Variants in SPG7 observed in about 807,000 individuals in gnomAD.
SPG7 encodes mitochondrial inner membrane m-AAA protease component paraplegin.
SPG7 carries 103 observed loss-of-function variants against 81.9 expected under a neutral mutation model. The ratio of observed to expected loss-of-function variants is 1.26; its 90% confidence interval spans 1.07 to 1.48. The LOEUF (loss-of-function observed/expected upper bound fraction) is 1.48, where lower values mean the gene tolerates loss of function less well. SPG7 is among the 40% of genes most tolerant of loss of function. The pLI is 0.00. For synonymous variants in SPG7, 534 were observed against 444.2 expected (o/e 1.20, Z -2.54); for missense variants, 1,241 against 1,087.3 (o/e 1.14, Z -1.99).
At chr16:89,539,826 C>G (rs1001687895) in intron 9 of SPG7, 1 of 152,180 alleles carries the variant, frequency 6.6e-6, no homozygotes, top group Non-Finnish European at 1.5e-5. Flanking sequence ...CTTTTCACCT[C>G]AGCTCCTCAA....
At chr16:89,521,315 G>A (rs1339968650) in intron 3 of SPG7, 2 of 152,264 alleles carry the variant, frequency 1.3e-5, no homozygotes, top group Admixed American at 1.3e-4. Flanking sequence ...TGACACAGCG[G>A]GGCTAAGAGC....
At chr16:89,524,855 G>C (rs1034389135) in intron 4 of SPG7, among the ~76,000 whole-genome samples, 4 of 152,106 alleles carry the variant, frequency 2.6e-5, no homozygotes, top group Non-Finnish European at 4.4e-5. Context: ...GGTTGGTGTG[G>C]CCCACCCCCG....
At chr16:89,553,733 G>T (rs760246174) in intron 14 of SPG7, 61 bp from the exon 15 acceptor site, 2 of 1,546,808 alleles carry the variant, frequency 1.3e-6, no homozygotes, top group Non-Finnish European at 8.9e-7. Flanking sequence ...GACACCTGGG[G>T]CCCAGCACTG....
At chr16:89,528,577 G>C (rs2058298976) in intron 5 of SPG7, 1 of 151,564 alleles carries the variant, frequency 6.6e-6, no homozygotes, top group Admixed American at 6.6e-5. Context: ...CCCTCCTCAG[G>C]ATGAGGGCAA....
chr16:89,546,682 C>T lies in SPG7; in HGVS notation c.1474C>T (p.His492Tyr). The change falls in exon 11 of 17, where the codon CAC becomes TAC. Residue 492 changes from histidine (H) to tyrosine (Y), a missense_variant. Physicochemically the swap from His to Tyr is moderately conservative, Grantham distance 83. Coordinates refer to ENST00000645818, the MANE Select transcript of SPG7 (RefSeq NM_003119.4). Reference protein sequence around the residue: ...LQERREIFEQHLKSLKLTQSS... With the variant: ...LQERREIFEQYLKSLKLTQSS... ...GGAGAGGCGGGAGATTTTTGAGCAG[C>T]ACCTGAAGAGCCTGAAGCTGACCCA... 1.2e-6 allele frequency: 2 copies of T among 1,613,434 alleles called. No homozygotes were observed. The highest frequency in any genetic ancestry group is 8.5e-7 in the Non-Finnish European group (1 of 1,179,518).
At chr16:89,541,126 GTAT>G in intron 9 of SPG7, 2 of 980,796 alleles carry the variant, frequency 2.0e-6, no homozygotes, top group Non-Finnish European at 2.4e-6. Flanking sequence ...TGAAACTGGT[GTAT>G]CCTTATCACG....
At chr16:89,512,487 A>G (rs2058036038) in intron 2 of SPG7, among the ~76,000 whole-genome samples, 1 of 151,684 alleles carries the variant, frequency 6.6e-6, no homozygotes, top group Non-Finnish European at 1.5e-5. Context: ...TAATTTTTGT[A>G]TTTTTAGTGG....
At chr16:89,524,567 C>T (rs1597621870) in intron 4 of SPG7, among the ~76,000 whole-genome samples, 1 of 152,162 alleles carries the variant, frequency 6.6e-6, no homozygotes, top group East Asian at 1.9e-4. Context: ...GCTCAGCCTC[C>T]CGGGTAGCTG....
chr16:89,520,235 C>G (rs917041124), intron 3 of SPG7: 1 of 153,226 alleles, frequency 6.5e-6, no homozygotes, highest in African/African-American at 2.4e-5. Context: ...GACCACAACA[C>G]TGAAGGCGTG....
At position 89,546,688 on chromosome 16, in the gene SPG7, A is replaced by G. The variant is rs1436728508; in HGVS notation, c.1480A>G (p.Lys494Glu). The change falls in exon 11 of 17, where the codon AAG becomes GAG. Residue 494 changes from lysine (K) to glutamate (E), a missense_variant. By Grantham distance (56) the Lys-to-Glu change is moderately conservative (BLOSUM62 1). Coordinates refer to ENST00000645818, the MANE Select transcript of SPG7 (RefSeq NM_003119.4). ...ERREIFEQHL[K>E]SLKLTQSSTF... Reference sequence around the variant, plus strand: ...GCGGGAGATTTTTGAGCAGCACCTGAAGAGCCTGAAGCTGACCCAGTCCAG... The same window carrying G: ...GCGGGAGATTTTTGAGCAGCACCTGGAGAGCCTGAAGCTGACCCAGTCCAG... The G allele has an allele frequency of 1.2e-6, 2 of 1,613,604 alleles. No individual in the cohort carries two copies. The highest frequency in any genetic ancestry group is 2.7e-5 in the African/African-American group (2 of 74,966).
intron 7 of SPG7, chr16:89,531,501 G>C: frequency 3.8e-6 from 1 of 265,318 alleles, no homozygotes; most frequent in Non-Finnish European, 7.4e-6. Context: ...AGCCTCCCGA[G>C]TAGCAGGGAT....
chr16:89,525,277 A>G (rs1318312492), intron 4 of SPG7, among the ~76,000 whole-genome samples: 3 of 152,192 alleles, frequency 2.0e-5, no homozygotes, highest in Non-Finnish European at 4.4e-5. Context: ...CTGTCTTGCT[A>G]TTTTTAAAAA....
At chr16:89,537,113 A>G in intron 9 of SPG7, 2 of 1,494,348 alleles carry the variant, frequency 1.3e-6, no homozygotes, top group Non-Finnish European at 1.8e-6. Flanking sequence ...ACAGCTGTGC[A>G]TGCTCAGCCC....
intron 9 of SPG7, chr16:89,537,279 C>T (rs1338375328): frequency 2.1e-5 from 28 of 1,310,758 alleles, no homozygotes; most frequent in Non-Finnish European, 2.7e-5. Context: ...TCCTGCGGAC[C>T]CCAGAGCCCC....
chr16:89,539,503 A>T (rs1481002597), intron 9 of SPG7: 1 of 152,186 alleles, frequency 6.6e-6, no homozygotes, highest in East Asian at 1.9e-4. Flanking sequence ...TCCTTCTCAA[A>T]AAAACAAATA....
intron 9 of SPG7, chr16:89,543,238 C>T (rs2434864): frequency 0.017 from 2,546 of 151,390 alleles, 56 homozygotes; most frequent in South Asian, 0.089. Flanking sequence ...TGAGCCACCG[C>T]GCCTGGCTAT....
At chr16:89,548,151 C>G (rs1290614820) in intron 12 of SPG7, 38 bp downstream of exon 12, 2 of 1,433,306 alleles carry the variant, frequency 1.4e-6, no homozygotes, top group African/African-American at 1.4e-5. Flanking sequence ...CCCTCCTTAG[C>G]AGGGCTTGAA....
intron 14 of SPG7, 85 bp from the exon 15 acceptor site, chr16:89,553,709 A>T: frequency 7.3e-7 from 1 of 1,365,800 alleles, no homozygotes; most frequent in Non-Finnish European, 1.0e-6. Flanking sequence ...GTGCTGCCTC[A>T]GTGCTCTGAC....
rs1198919843 is a variant in SPG7, at chr16:89,545,040, G to C, written c.1449+268G>C. 6 of 519,088 alleles carry C rather than the reference G, an allele frequency of 1.2e-5. 1 individual carries two copies. Among genetic ancestry groups the C allele is most frequent in the South Asian group, 1.0e-4 (5 of 50,112 alleles). The allele number at this position is 519,088 out of a possible 1,614,324, so 32.2% of individuals were successfully genotyped here. A position where few individuals can be genotyped will look rare whatever the true frequency, so the allele number is the denominator to read the frequency against. On this transcript the variant is annotated intron_variant, in intron 10 of 16. Transcript: ENST00000645818. ...TGCACTCACTGCTCGGGGTTTTGCA[G>C]TTCTGTTCACCTGCTATTGGTTTTC...
Sources: allele counts gnomAD v4.1 joint callset (sites outside exome capture counted in the v4.1 genomes callset), GRCh38; gene constraint gnomAD v4.1.1; transcripts MANE v1.5; gene names NCBI Gene and HGNC (gene_info 2026-07-23, HGNC 2026-07-21).